The following CSMD1 variants were observed in gnomAD, a reference collection of about 807,000 sequenced individuals.
CSMD1 encodes the protein CUB and Sushi multiple domains 1.
A neutral mutation model predicts 417.5 loss-of-function variants in CSMD1; 213 were observed. That is an observed-to-expected ratio of 0.51 (90% CI 0.46 to 0.57). The LOEUF is 0.57. Among genes scored for constraint, CSMD1 ranks in the 20% least tolerant of loss-of-function variants. CSMD1 has a pLI of 0.00. For synonymous variants in CSMD1, 2,862 were observed against 1,736.8 expected, an observed-to-expected ratio of 1.65 and a Z score of -16.11; for missense variants, 6,923 against 4,529.7, an observed-to-expected ratio of 1.53 and a Z score of -15.17.
chr8:4,025,943 T>A (rs1797042830), intron 4 of CSMD1, among the ~76,000 whole-genome samples: 1 of 151,348 alleles, frequency 6.6e-6, no homozygotes, highest in African/African-American at 2.4e-5. Context: ...GAATAAATTA[T>A]AAACTTTTAT....
intron 12 of CSMD1, among the ~76,000 whole-genome samples, chr8:3,436,151 A>G (rs903243834): frequency 6.6e-6 from 1 of 152,060 alleles, no homozygotes; most frequent in Non-Finnish European, 1.5e-5. Context: ...TCTTTATTGA[A>G]TTTATTACCA....
chr8:3,098,537 C>T (rs1013814900), intron 46 of CSMD1, among the ~76,000 whole-genome samples: 4 of 152,088 alleles, frequency 2.6e-5, no homozygotes, highest in Non-Finnish European at 5.9e-5. Context: ...TTTAAAAATA[C>T]TTACAATGAT....
intron 6 of CSMD1, among the ~76,000 whole-genome samples, chr8:3,741,872 AG>A (rs1796823473): frequency 6.6e-6 from 1 of 152,204 alleles, no homozygotes. Flanking sequence ...CCAAAGGTAA[AG>A]GTTCCAATTC....
At chr8:4,925,311 A>G (rs960344272) in intron 1 of CSMD1, among the ~76,000 whole-genome samples, 1 of 145,142 alleles carries the variant, frequency 6.9e-6, no homozygotes, top group Non-Finnish European at 1.5e-5. Flanking sequence ...TCCAGACACA[A>G]GTAGGTGGTC....
At chr8:3,981,500 TAAAAAAAAAA>T (rs200296436) in intron 5 of CSMD1, among the ~76,000 whole-genome samples, 1 of 115,074 alleles carries the variant, frequency 8.7e-6, no homozygotes, top group Non-Finnish European at 1.7e-5. Context: ...TAGAAAAAAG[TAAAAAAAAAA>T]AAAAAAAAAA....
intron 4 of CSMD1, among the ~76,000 whole-genome samples, chr8:4,001,788 T>C (rs1411937778): frequency 6.6e-6 from 1 of 151,796 alleles, no homozygotes; most frequent in Admixed American, 6.6e-5. Flanking sequence ...AACAGACAAG[T>C]GGTGAAATTT....
intron 3 of CSMD1, among the ~76,000 whole-genome samples, chr8:4,067,526 T>G (rs191871165): frequency 3.5e-4 from 53 of 152,316 alleles, no homozygotes; most frequent in African/African-American, 1.2e-3. Flanking sequence ...TTTAACTTAA[T>G]TTTGTTGTAT....
At chr8:4,400,983 A>G (rs1334031670) in intron 3 of CSMD1, among the ~76,000 whole-genome samples, 1 of 152,172 alleles carries the variant, frequency 6.6e-6, no homozygotes, top group Non-Finnish European at 1.5e-5. Flanking sequence ...AAGTATTTTA[A>G]CAGGTGTTTC....
intron 3 of CSMD1, among the ~76,000 whole-genome samples, chr8:4,046,844 T>C (rs1349233410): frequency 6.6e-6 from 1 of 152,170 alleles, no homozygotes; most frequent in African/African-American, 2.4e-5. Flanking sequence ...TCATGTATTA[T>C]TTCCCTGAAT....
intron 1 of CSMD1, among the ~76,000 whole-genome samples, chr8:4,645,994 G>C (rs1490084393): frequency 2.0e-5 from 3 of 152,108 alleles, no homozygotes; most frequent in African/African-American, 7.2e-5. Flanking sequence ...AAAACAACAA[G>C]CACTGTTTTA....
At chr8:4,775,955 T>G (rs1288567772) in intron 1 of CSMD1, among the ~76,000 whole-genome samples, 1 of 152,194 alleles carries the variant, frequency 6.6e-6, no homozygotes, top group Admixed American at 6.5e-5. Context: ...TTGGAGTCCA[T>G]GACCAACATT....
intron 3 of CSMD1, among the ~76,000 whole-genome samples, chr8:4,217,468 T>C (rs570345958): frequency 6.6e-6 from 1 of 152,130 alleles, no homozygotes; most frequent in Admixed American, 6.6e-5. Context: ...CACAGTGAAT[T>C]AAACACAGGT....
chr8:4,607,463 G>A (rs143628168), intron 2 of CSMD1, among the ~76,000 whole-genome samples: 3 of 152,222 alleles, frequency 2.0e-5, no homozygotes, highest in Non-Finnish European at 2.9e-5. Flanking sequence ...GTGAAGCTAG[G>A]GCCTGATACG....
At chr8:3,778,111 G>C (rs770554745) in intron 5 of CSMD1, among the ~76,000 whole-genome samples, 14 of 152,224 alleles carry the variant, frequency 9.2e-5, no homozygotes, top group Non-Finnish European at 1.6e-4. Flanking sequence ...GCATTATCTT[G>C]AGAAAGACTT....
In CSMD1 at chr8:3,795,398, C is replaced by A. The variant is rs185122807; in HGVS notation, c.819-41356G>T. 2.1e-4 allele frequency among the ~76,000 whole-genome samples: 6 copies of A among 28,662 alleles called. 3 individuals are homozygous for A. The highest frequency in any genetic ancestry group is 4.3e-4 in the Non-Finnish European group (6 of 14,026). The allele number at this position is 28,662 out of a possible 152,430, so 18.8% of individuals were successfully genotyped here. A position where few individuals can be genotyped will look rare whatever the true frequency, so the allele number is the denominator to read the frequency against. Reference sequence around the variant, plus strand: ...ATATATCATGTATAGATATAGATATCTATCATAGATATAGATATATATCTA... The same window carrying A: ...ATATATCATGTATAGATATAGATATATATCATAGATATAGATATATATCTA... On this transcript the variant is annotated intron_variant, in intron 5 of 69. Coordinates refer to ENST00000635120, the MANE Select transcript of CSMD1 (RefSeq NM_033225.6).
intron 4 of CSMD1, among the ~76,000 whole-genome samples, chr8:4,002,456 G>T (rs756950852): frequency 6.6e-6 from 1 of 152,056 alleles, no homozygotes; most frequent in Non-Finnish European, 1.5e-5. Flanking sequence ...AAATCAGTTT[G>T]TTTCCTCTTA....
intron 1 of CSMD1, among the ~76,000 whole-genome samples, chr8:4,952,716 G>A (rs1049663045): frequency 2.6e-5 from 4 of 152,024 alleles, no homozygotes; most frequent in Non-Finnish European, 5.9e-5. Context: ...ATTAAAATGA[G>A]TATATCAAAT....
intron 7 of CSMD1, among the ~76,000 whole-genome samples, chr8:3,633,510 G>A (rs573311949): frequency 1.2e-4 from 19 of 152,204 alleles, no homozygotes; most frequent in Admixed American, 6.5e-4. Flanking sequence ...CAGATGCAAT[G>A]GCATCAGAAT....
Position 3,821,293 on chromosome 8 carries a change from G to A in CSMD1, c.819-67251C>T, listed in dbSNP as rs117344276. On this transcript the variant is annotated intron_variant, in intron 5 of 69. Transcript: ENST00000635120. ...AAAAGTATAGGAAATACATTAACCAGCAACACAGTCATTATTATTCTCAAG... is the reference window on the plus strand; with the variant it reads ...AAAAGTATAGGAAATACATTAACCAACAACACAGTCATTATTATTCTCAAG... Among the ~76,000 whole-genome samples the A allele has an allele frequency of 1.4e-3, 215 of 152,244 alleles. 8 individuals carry two copies. In the East Asian group the frequency reaches 0.034, roughly 24 times the overall value.
Sources: gnomAD v4.1 joint callset for allele counts (sites outside exome capture counted in the v4.1 genomes callset) on GRCh38, gnomAD v4.1.1 for gene constraint, MANE v1.5 for transcripts, NCBI Gene and HGNC (gene_info 2026-07-23, HGNC 2026-07-21) for gene names.